The following EXOC4 variants were observed in gnomAD, a reference collection of about 807,000 sequenced individuals.
EXOC4 encodes the protein SEC8-like 1.
In EXOC4, 71 loss-of-function variants were observed where a neutral mutation model predicts 107.2. The ratio of observed to expected loss-of-function variants is 0.66; its 90% CI spans 0.55 to 0.81. EXOC4 has a LOEUF of 0.81. Ranked by LOEUF, EXOC4 falls within the 30% of genes least tolerant of loss-of-function variation. The probability of loss-of-function intolerance (pLI) is 0.00; values close to 1 mark genes in which losing one functional copy is unlikely to be tolerated. For missense variants in EXOC4, 1,108 were observed against 1,189.6 expected, an observed-to-expected ratio of 0.93 and a Z score of 1.01; for synonymous variants, 456 against 441.2, an observed-to-expected ratio of 1.03 and a Z score of -0.42.
At chr7:134,022,235 C>T (rs1229602274) in intron 17 of EXOC4, among the ~76,000 whole-genome samples, 2 of 152,026 alleles carry the variant, frequency 1.3e-5, no homozygotes, top group African/African-American at 4.8e-5. Context: ...TTGTATTTTT[C>T]AGTTTTCAGA....
At chr7:133,687,395 C>T (rs1312449370) in intron 10 of EXOC4, among the ~76,000 whole-genome samples, 1 of 151,700 alleles carries the variant, frequency 6.6e-6, no homozygotes, top group Non-Finnish European at 1.5e-5. Flanking sequence ...TCCCTAAAAA[C>T]CTATGGAAAT....
chr7:133,286,350 A>T (rs907412676), intron 2 of EXOC4, among the ~76,000 whole-genome samples: 2 of 152,094 alleles, frequency 1.3e-5, no homozygotes, highest in Non-Finnish European at 2.9e-5. Flanking sequence ...AATTGATGTA[A>T]TAGCTTCTGT....
At chr7:133,546,173 A>C (rs911727602) in intron 9 of EXOC4, among the ~76,000 whole-genome samples, 1 of 150,042 alleles carries the variant, frequency 6.7e-6, no homozygotes, top group Non-Finnish European at 1.5e-5. Context: ...AACTATATCT[A>C]TTTTATTTTT....
At chr7:133,979,280 C>T (rs1793916311) in intron 14 of EXOC4, among the ~76,000 whole-genome samples, 1 of 152,042 alleles carries the variant, frequency 6.6e-6, no homozygotes, top group African/African-American at 2.4e-5. Context: ...ACTGTCTTAC[C>T]TTTACCACCA....
intron 1 of EXOC4, among the ~76,000 whole-genome samples, chr7:133,274,662 A>G (rs896880060): frequency 9.9e-5 from 15 of 152,202 alleles, no homozygotes; most frequent in African/African-American, 3.4e-4. Context: ...GATAAGGAGA[A>G]TGGAACAGTT....
At chr7:133,596,563 A>G (rs1248224071) in intron 9 of EXOC4, among the ~76,000 whole-genome samples, 1 of 152,156 alleles carries the variant, frequency 6.6e-6, no homozygotes, top group Non-Finnish European at 1.5e-5. Flanking sequence ...CTTCCCCCCA[A>G]TAATGTGGCT....
At chr7:133,804,247 C>G (rs914203648) in intron 10 of EXOC4, among the ~76,000 whole-genome samples, 2 of 152,110 alleles carry the variant, frequency 1.3e-5, no homozygotes, top group Non-Finnish European at 2.9e-5. Context: ...ATTATCCTGG[C>G]TTACCTGAAT....
chr7:133,880,810 T>G (rs1200503996), intron 11 of EXOC4, among the ~76,000 whole-genome samples: 1 of 152,238 alleles, frequency 6.6e-6, no homozygotes, highest in Non-Finnish European at 1.5e-5. Context: ...ACCCAAAATG[T>G]TAAAAATATA....
At chr7:133,968,600 G>A (rs993102140) in intron 14 of EXOC4, among the ~76,000 whole-genome samples, 1 of 152,064 alleles carries the variant, frequency 6.6e-6, no homozygotes, top group East Asian at 1.9e-4. Flanking sequence ...CACTTATGAA[G>A]CTTAGTTTGG....
chr7:133,288,651 C>T (rs937172690), intron 2 of EXOC4, among the ~76,000 whole-genome samples: 2 of 152,102 alleles, frequency 1.3e-5, no homozygotes, highest in African/African-American at 4.8e-5. Context: ...AGTGCTTTCT[C>T]TTTAGTAATG....
intron 9 of EXOC4, among the ~76,000 whole-genome samples, chr7:133,528,424 G>T (rs888339867): frequency 6.6e-6 from 1 of 152,050 alleles, no homozygotes; most frequent in African/African-American, 2.4e-5. Context: ...TTTTGAATTT[G>T]GAATTAGTGA....
intron 1 of EXOC4, among the ~76,000 whole-genome samples, chr7:133,263,567 A>G (rs1408203442): frequency 6.6e-6 from 1 of 151,566 alleles, no homozygotes; most frequent in African/African-American, 2.4e-5. Context: ...TTTTTTGTAG[A>G]CAGGGAGTTT....
At chr7:133,289,986 C>A (rs1416149541) in intron 3 of EXOC4, among the ~76,000 whole-genome samples, 1 of 152,180 alleles carries the variant, frequency 6.6e-6, no homozygotes, top group Admixed American at 6.5e-5. Flanking sequence ...GGAAAAAACA[C>A]TGAGGGGAAT....
chr7:133,446,950 C>A (rs1450425803), intron 7 of EXOC4, among the ~76,000 whole-genome samples: 3 of 152,200 alleles, frequency 2.0e-5, no homozygotes, highest in Non-Finnish European at 4.4e-5. Flanking sequence ...GCTTCTGATA[C>A]TTTGCCACCT....
chr7:133,640,004 TCTTTTAAAA>T (rs1275715827), intron 10 of EXOC4, among the ~76,000 whole-genome samples: 4 of 152,184 alleles, frequency 2.6e-5, no homozygotes, highest in Non-Finnish European at 5.9e-5. Flanking sequence ...ATTTTAAAAA[TCTTTTAAAA>T]TTTTTATTGA....
At chr7:133,367,661 A>T (rs1261454454) in intron 6 of EXOC4, among the ~76,000 whole-genome samples, 4 of 152,194 alleles carry the variant, frequency 2.6e-5, no homozygotes, top group African/African-American at 4.8e-5. Flanking sequence ...AAAAAGGGAC[A>T]GTCTCCAGAA....
At chr7:133,750,717 C>T (rs1453667062) in intron 10 of EXOC4, among the ~76,000 whole-genome samples, 2 of 151,912 alleles carry the variant, frequency 1.3e-5, no homozygotes, top group Non-Finnish European at 2.9e-5. Context: ...GTAGCTGGGA[C>T]CATAGGCTCA....
chr7:133,718,281 G>A (rs190855166), intron 10 of EXOC4, among the ~76,000 whole-genome samples: 22 of 152,294 alleles, frequency 1.4e-4, no homozygotes, highest in Non-Finnish European at 2.4e-4. Context: ...GAATGAGGAA[G>A]CATTCTTATT....
At chr7:133,429,128 G>A (rs1309461905) in intron 7 of EXOC4, among the ~76,000 whole-genome samples, 1 of 152,058 alleles carries the variant, frequency 6.6e-6, no homozygotes, top group Non-Finnish European at 1.5e-5. Context: ...GAAGTAGTGA[G>A]GATATTGATT....
Sources: allele counts gnomAD v4.1 joint callset (sites outside exome capture counted in the v4.1 genomes callset), GRCh38; gene constraint gnomAD v4.1.1; transcripts MANE v1.5; gene names NCBI Gene and HGNC (gene_info 2026-07-23, HGNC 2026-07-21).